COL19A1: variants seen among roughly 807,000 people sequenced by gnomAD.
The protein encoded by COL19A1 is collagen type XIX alpha 1 chain, also known as collagen alpha-1(XIX) chain.
Under a neutral mutation model 190.2 loss-of-function variants are expected in COL19A1, and 159 were observed. The ratio of observed to expected loss-of-function variants is 0.84; its 90% CI spans 0.73 to 0.95. COL19A1 has a LOEUF of 0.95. Among genes scored for constraint, COL19A1 ranks in the 40% least tolerant of loss-of-function variants. The pLI, the probability that COL19A1 is intolerant of heterozygous loss-of-function variation, is 0.00. For synonymous variants in COL19A1, 509 were observed against 458.9 expected, an observed-to-expected ratio of 1.11 and a Z score of -1.39; for missense variants, 1,418 against 1,431.9, an observed-to-expected ratio of 0.99 and a Z score of 0.16.
At chr6:70,144,073 C>A in intron 23 of COL19A1, 137 bp from the exon 24 acceptor site, 1 of 703,178 alleles carries the variant, frequency 1.4e-6, no homozygotes. Flanking sequence ...TCTTAAAGGC[C>A]AAAATCAATC....
chr6:69,932,885 A>G (rs1195624906), intron 7 of COL19A1, 22 bp downstream of exon 7: 6 of 1,446,712 alleles, frequency 4.1e-6, no homozygotes, highest in Non-Finnish European at 5.8e-6. Context: ...TTCTTTGCAT[A>G]TGAAGAATGA....
chr6:70,031,206 C>T (rs969894324), intron 12 of COL19A1, among the ~76,000 whole-genome samples: 3 of 152,014 alleles, frequency 2.0e-5, no homozygotes, highest in Admixed American at 6.6e-5. Context: ...TTTCCCTCTG[C>T]CCCCACACAG....
chr6:70,068,374 C>G, intron 14 of COL19A1, 49 bp from the exon 15 acceptor site: 1 of 1,085,654 alleles, frequency 9.2e-7, no homozygotes, highest in Non-Finnish European at 1.4e-6. Context: ...CTTTGTGAGG[C>G]AGGTGTACTT....
chr6:70,060,322 T>C (rs919598828), intron 14 of COL19A1, among the ~76,000 whole-genome samples: 1 of 152,172 alleles, frequency 6.6e-6, no homozygotes, highest in Non-Finnish European at 1.5e-5. Context: ...GTTTATTGAG[T>C]TCCTTCTATA....
chr6:70,067,345 CTG>C (rs146671039), intron 14 of COL19A1, among the ~76,000 whole-genome samples: 7,674 of 152,104 alleles, frequency 0.05, 250 homozygotes, highest in Non-Finnish European at 0.075. Context: ...GATTTTGTAA[CTG>C]TATGTGAGAG....
chr6:70,100,208 T>C (rs77057958), intron 15 of COL19A1, among the ~76,000 whole-genome samples: 1 of 152,208 alleles, frequency 6.6e-6, no homozygotes, highest in Non-Finnish European at 1.5e-5. Context: ...CTTACCTAGA[T>C]ACCATTGATT....
intron 4 of COL19A1, among the ~76,000 whole-genome samples, chr6:69,916,416 G>A (rs1473672744): frequency 6.6e-6 from 1 of 152,184 alleles, no homozygotes; most frequent in East Asian, 1.9e-4. Context: ...AGGAATTAGA[G>A]AGAAAATATT....
At chr6:70,181,871 T>G (rs1326556288) in intron 44 of COL19A1, among the ~76,000 whole-genome samples, 1 of 151,810 alleles carries the variant, frequency 6.6e-6, no homozygotes, top group Non-Finnish European at 1.5e-5. Flanking sequence ...CCCGATGGGG[T>G]CCAGGACCTC....
chr6:70,155,544 C>G (rs927799284), intron 31 of COL19A1, among the ~76,000 whole-genome samples: 1 of 152,138 alleles, frequency 6.6e-6, no homozygotes, highest in Non-Finnish European at 1.5e-5. Flanking sequence ...CTTAGATTTC[C>G]TATTGTCACT....
At chr6:70,199,956 C>CA in intron 49 of COL19A1, 1 of 441,854 alleles carries the variant, frequency 2.3e-6, no homozygotes, top group Admixed American at 3.1e-5. Context: ...AATTTAAAAC[C>CA]AAATGAGAGT....
intron 14 of COL19A1, among the ~76,000 whole-genome samples, chr6:70,064,118 C>T (rs961725947): frequency 9.9e-5 from 15 of 152,174 alleles, no homozygotes; most frequent in African/African-American, 3.6e-4. Context: ...TCCTCCCTAA[C>T]TCATTTTATG....
intron 4 of COL19A1, among the ~76,000 whole-genome samples, chr6:69,925,300 A>T (rs964660365): frequency 6.6e-6 from 1 of 152,180 alleles, no homozygotes. Flanking sequence ...AGCTTTCTAC[A>T]TATGGCAAGC....
At position 70,204,297 on chromosome 6, in the gene COL19A1, G is replaced by A. The variant is rs74322953; in HGVS notation, c.3224-2604G>A. Among the ~76,000 whole-genome samples, 1,110 of 152,274 alleles carry A rather than the reference G, an allele frequency of 7.3e-3. 8 individuals are homozygous for A. Among genetic ancestry groups the A allele is most frequent in the Middle Eastern group, 0.02 (6 of 294 alleles). ...AATGGGGAAAGCTGTTATTGACCTT[G>A]TTAGCATTCCTACAAGGAGTTTTGT... is the stretch of plus-strand genomic sequence containing the variant. On this transcript the variant is annotated intron_variant, in intron 49 of 50. Coordinates refer to ENST00000620364, the MANE Select transcript of COL19A1 (RefSeq NM_001858.6).
At chr6:69,921,370 T>TATATATCATATATATCATATATATC (rs1367877927) in intron 4 of COL19A1, among the ~76,000 whole-genome samples, 82 of 109,050 alleles carry the variant, frequency 7.5e-4, no homozygotes, top group Non-Finnish European at 1.1e-3. Context: ...ATATATATCA[T>TATATATCATATATATCATATATATC]ATATATCATA....
intron 17 of COL19A1, among the ~76,000 whole-genome samples, chr6:70,125,394 G>T (rs921844393): frequency 1.3e-5 from 2 of 152,094 alleles, no homozygotes; most frequent in Admixed American, 1.3e-4. Context: ...CTCATAAACT[G>T]CCCCTCCTCA....
intron 15 of COL19A1, among the ~76,000 whole-genome samples, chr6:70,078,102 C>A (rs1218598307): frequency 6.6e-6 from 1 of 152,010 alleles, no homozygotes; most frequent in East Asian, 1.9e-4. Flanking sequence ...AAATAAAAAT[C>A]TCTACACTGA....
At chr6:70,077,383 G>T (rs1030265368) in intron 15 of COL19A1, among the ~76,000 whole-genome samples, 2 of 152,132 alleles carry the variant, frequency 1.3e-5, no homozygotes, top group African/African-American at 4.8e-5. Context: ...AGTATTGAGA[G>T]TCGCTCTTGA....
At chr6:69,867,261 G>C (rs749530589) in intron 1 of COL19A1, among the ~76,000 whole-genome samples, 1 of 151,896 alleles carries the variant, frequency 6.6e-6, no homozygotes, top group African/African-American at 2.4e-5. Flanking sequence ...GCGCGGGCGC[G>C]GGCGGGGATT....
At chr6:70,067,372 G>C (rs1781301107) in intron 14 of COL19A1, among the ~76,000 whole-genome samples, 1 of 152,108 alleles carries the variant, frequency 6.6e-6, no homozygotes, top group African/African-American at 2.4e-5. Flanking sequence ...GTTTAAGAGA[G>C]TTGAATGTGG....
Sources: allele counts gnomAD v4.1 joint callset (sites outside exome capture counted in the v4.1 genomes callset), GRCh38; gene constraint gnomAD v4.1.1; transcripts MANE v1.5; gene names NCBI Gene and HGNC (gene_info 2026-07-23, HGNC 2026-07-21).